The following ANKRD62 variants were observed in gnomAD, a reference collection of about 807,000 sequenced individuals.
ANKRD62 encodes ankyrin repeat domain 62.
ANKRD62 carries 61 observed loss-of-function variants against 98.8 expected under a neutral mutation model. The ratio of observed to expected loss-of-function variants is 0.62; its 90% CI spans 0.50 to 0.76. The LOEUF (loss-of-function observed/expected upper bound fraction) is 0.76. Among genes scored for constraint, ANKRD62 ranks in the 30% least tolerant of loss-of-function variants. The pLI is 0.00. For missense variants in ANKRD62, 933 were observed against 1,082.9 expected (o/e 0.86, Z 1.94); for synonymous variants, 341 against 367.9 (o/e 0.93, Z 0.84).
chr18:12,175,451 G>T, the ANKRD62 span, among the ~76,000 whole-genome samples: 145,150 of 148,244 alleles, frequency 0.98, 71,067 homozygotes, highest in South Asian at 0.99. Flanking sequence ...GTCGGACAAG[G>T]AAAGCAAAAC....
Position 12,127,373 on chromosome 18 carries a change from G to A in ANKRD62, c.2563-375G>A, listed in dbSNP as rs533677558. 7.9e-5 allele frequency among the ~76,000 whole-genome samples: 12 copies of A among 152,314 alleles called. No individual in the cohort carries two copies. In the South Asian group the frequency reaches 2.5e-3, roughly 32 times the overall value. Reference sequence around the variant, plus strand: ...GATTTGAGCTGGTGACTGAATATGTGAAGAACTCTGAGGTTGATTTGAGCT... The same window carrying A: ...GATTTGAGCTGGTGACTGAATATGTAAAGAACTCTGAGGTTGATTTGAGCT... On this transcript the variant is annotated intron_variant, in intron 13 of 13. Transcript: ENST00000587848.
At chr18:12,163,629 G>GTGGGTCTGTT in the ANKRD62 span, among the ~76,000 whole-genome samples, 3 of 152,104 alleles carry the variant, frequency 2.0e-5, no homozygotes, top group African/African-American at 7.2e-5. Context: ...CATTTAGTAT[G>GTGGGTCTGTT]ATACTAGCTG....
chr18:12,174,145 G>C, the ANKRD62 span, among the ~76,000 whole-genome samples: 1 of 151,972 alleles, frequency 6.6e-6, no homozygotes, highest in Non-Finnish European at 1.5e-5. Flanking sequence ...GCATAGATTT[G>C]GTCTCTTTAT....
intron 6 of ANKRD62, 118 bp downstream of exon 6, chr18:12,099,800 A>G: frequency 2.2e-6 from 1 of 445,212 alleles, no homozygotes; most frequent in Non-Finnish European, 3.8e-6. Flanking sequence ...TTGAATGTAT[A>G]TTTTTTAATT....
chr18:12,096,307 A>C lies in ANKRD62; in HGVS notation c.614+5A>C. 6.7e-7 allele frequency: 1 copy of C among 1,488,944 alleles called. No homozygotes were observed. The highest frequency in any genetic ancestry group is 1.4e-5 in the African/African-American group (1 of 71,496). The allele number at this position is 1,488,944 out of a possible 1,614,324, so 92.2% of individuals were successfully genotyped here. ...TGCAATAGATAATTTTGGAAGGTACAGTAGTTCTTTTTTTGTTCATTTTTA... is the reference window on the plus strand; with the variant it reads ...TGCAATAGATAATTTTGGAAGGTACCGTAGTTCTTTTTTTGTTCATTTTTA... On this transcript the variant is annotated splice_donor_5th_base_variant and intron_variant, in intron 4 of 13. Coordinates refer to ENST00000587848, the MANE Select transcript of ANKRD62 (RefSeq NM_001277333.2).
chr18:12,113,231 A>T (rs2143915214), intron 8 of ANKRD62, among the ~76,000 whole-genome samples: 1 of 152,286 alleles, frequency 6.6e-6, no homozygotes, highest in Non-Finnish European at 1.5e-5. Flanking sequence ...CATACACAAG[A>T]TCAACAAACA....
At chr18:12,150,697 C>A in the ANKRD62 span, among the ~76,000 whole-genome samples, 1 of 152,084 alleles carries the variant, frequency 6.6e-6, no homozygotes, top group Non-Finnish European at 1.5e-5. Context: ...CATATCCAGC[C>A]AAAGTAAACT....
chr18:12,150,050 A>G, the ANKRD62 span, among the ~76,000 whole-genome samples: 2 of 152,416 alleles, frequency 1.3e-5, no homozygotes, highest in East Asian at 1.9e-4. Flanking sequence ...TCACAATAGA[A>G]TAATACAGGA....
intron 6 of ANKRD62, chr18:12,102,711 T>C (rs932196913): frequency 9.7e-7 from 1 of 1,032,630 alleles, no homozygotes; most frequent in Non-Finnish European, 1.2e-6. Context: ...GGGGTGTATA[T>C]GGATGAAGGT....
At chr18:12,150,957 G>A in the ANKRD62 span, among the ~76,000 whole-genome samples, 7 of 152,114 alleles carry the variant, frequency 4.6e-5, no homozygotes, top group Admixed American at 2.6e-4. Flanking sequence ...ATATGTAAAT[G>A]GGTGAAATAC....
At chr18:12,109,659 A>G (rs906534086) in intron 8 of ANKRD62, among the ~76,000 whole-genome samples, 3 of 152,212 alleles carry the variant, frequency 2.0e-5, no homozygotes, top group Non-Finnish European at 4.4e-5. Flanking sequence ...GGGATTGTAC[A>G]TGGGGATCCA....
intron 6 of ANKRD62, among the ~76,000 whole-genome samples, chr18:12,101,567 C>G (rs923060743): frequency 6.6e-6 from 1 of 152,170 alleles, no homozygotes; most frequent in Admixed American, 6.5e-5. Context: ...ACTGAACACT[C>G]TCTAATTTTC....
intron 8 of ANKRD62, among the ~76,000 whole-genome samples, chr18:12,111,383 A>G (rs1202339341): frequency 6.6e-6 from 1 of 152,180 alleles, no homozygotes; most frequent in African/African-American, 2.4e-5. Flanking sequence ...AAAAGCTCTC[A>G]ACTAGTTATT....
the ANKRD62 span, among the ~76,000 whole-genome samples, chr18:12,150,887 A>C: frequency 9.6e-3 from 1,463 of 152,308 alleles, 19 homozygotes; most frequent in African/African-American, 0.034. Context: ...GCAAGCCAGC[A>C]TAACAGTTGG....
chr18:12,132,118 T>C (rs1910014557), downstream of ANKRD62, among the ~76,000 whole-genome samples: 1 of 152,176 alleles, frequency 6.6e-6, no homozygotes, highest in Admixed American at 6.6e-5. Flanking sequence ...TACTTTTTAG[T>C]TATTATTGTA....
chr18:12,106,568 G>C (rs1909417193), intron 7 of ANKRD62, among the ~76,000 whole-genome samples: 1 of 152,138 alleles, frequency 6.6e-6, no homozygotes, highest in Non-Finnish European at 1.5e-5. Flanking sequence ...GGATTTAGAT[G>C]AATCATTTAA....
At chr18:12,157,945 G>A in the ANKRD62 span, among the ~76,000 whole-genome samples, 1 of 152,154 alleles carries the variant, frequency 6.6e-6, no homozygotes, top group African/African-American at 2.4e-5. Flanking sequence ...TATGTTCTTG[G>A]AACAAACAAA....
chr18:12,138,184 G>A, the ANKRD62 span, among the ~76,000 whole-genome samples: 1 of 152,098 alleles, frequency 6.6e-6, no homozygotes, highest in South Asian at 2.1e-4. Flanking sequence ...TGGGCATTTA[G>A]TGCTATAAAT....
chr18:12,097,906 C>G, intron 5 of ANKRD62, 129 bp downstream of exon 5: 1 of 1,037,002 alleles, frequency 9.6e-7, no homozygotes, highest in East Asian at 2.6e-5. Flanking sequence ...AGTTAGTCCA[C>G]TTCATCAGCC....
Sources: allele counts gnomAD v4.1 joint callset (sites outside exome capture counted in the v4.1 genomes callset), GRCh38; gene constraint gnomAD v4.1.1; transcripts MANE v1.5; gene names NCBI Gene and HGNC (gene_info 2026-07-23, HGNC 2026-07-21).